ZFP37: variants seen among roughly 807,000 people sequenced by gnomAD.
The protein encoded by ZFP37 is zinc finger protein 37 homolog.
Under a neutral mutation model 52.1 loss-of-function variants are expected in ZFP37, and 38 were observed. The ratio of observed to expected loss-of-function variants is 0.73; its 90% CI spans 0.56 to 0.96. ZFP37 has a LOEUF of 0.96. Ranked by LOEUF, ZFP37 falls within the 40% of genes least tolerant of loss-of-function variation. The pLI is 0.00. For synonymous variants in ZFP37, 253 were observed against 259.5 expected (o/e 0.98, Z 0.24); for missense variants, 695 against 741.4 (o/e 0.94, Z 0.73).
intron 3 of ZFP37, among the ~76,000 whole-genome samples, chr9:113,046,194 ATG>A (rs1315740277): frequency 1.4e-4 from 20 of 139,308 alleles, no homozygotes; most frequent in South Asian, 4.6e-4. Flanking sequence ...ATATCTATAT[ATG>A]TAGACAGATA....
rs1429447611 is a variant in ZFP37 at position 113,049,461 on chromosome 9, A to G, written c.250T>C (p.Leu84=). 6.2e-7 allele frequency: 1 copy of G among 1,613,828 alleles called. No homozygotes were observed. Among genetic ancestry groups the G allele is most frequent in the South Asian group, 1.1e-5 (1 of 91,050 alleles). ...AACCATGGTGCTTCTCCTTTTTCCA[A>G]CTTGGAGATCATGTCTGGTTTGGGA... The part of the protein sequence containing the change: ...QAPKPDMISK[L]EKGEAPWLGK... Residue 84 remains leucine (L), a synonymous_variant, in exon 3 of 4, where the codon TTG becomes CTG. Transcript: ENST00000374227.
intron 1 of ZFP37, among the ~76,000 whole-genome samples, chr9:113,050,483 A>G (rs1044973019): frequency 4.6e-4 from 70 of 151,994 alleles, no homozygotes; most frequent in African/African-American, 1.5e-3. Flanking sequence ...AAAAAAAAAA[A>G]AAAGAAAAAA....
chr9:113,050,821 C>A (rs1829044581), intron 1 of ZFP37, among the ~76,000 whole-genome samples: 2 of 151,716 alleles, frequency 1.3e-5, no homozygotes, highest in South Asian at 4.1e-4. Context: ...TGCTTGAACC[C>A]AGGAGGTGGA....
At chr9:113,054,866 T>G (rs1374455036) in intron 1 of ZFP37, among the ~76,000 whole-genome samples, 1 of 152,210 alleles carries the variant, frequency 6.6e-6, no homozygotes, top group Non-Finnish European at 1.5e-5. Flanking sequence ...AGTTCCTAAC[T>G]GACCTCCCTA....
In ZFP37 at chr9:113,038,736, T is replaced by C. The variant is rs1162891065; in HGVS notation, c.*3989A>G. 6.6e-6 allele frequency: 1 copy of C among 151,968 alleles called. No individual in the cohort carries two copies. The highest frequency in any genetic ancestry group is 2.4e-5 in the African/African-American group (1 of 41,386). 9.4% of individuals were successfully genotyped at this position (151,968 alleles called of 1,614,324 possible). A position where few individuals can be genotyped will look rare whatever the true frequency, so the allele number is the denominator to read the frequency against. On this transcript the variant is annotated 3_prime_UTR_variant, in exon 4 of 4. Coordinates refer to ENST00000374227, the MANE Select transcript of ZFP37 (RefSeq NM_003408.3). ...AGGTAGAGATTGTAATGAGCCAAGA[T>C]TGCACTACTGCACACTCCAGTCTGG...
intron 1 of ZFP37, among the ~76,000 whole-genome samples, chr9:113,053,328 T>C (rs12555682): frequency 0.034 from 5,179 of 151,928 alleles, 281 homozygotes; most frequent in South Asian, 0.18. Flanking sequence ...TTAAAAACTA[T>C]AAAGTTTTAA....
At chr9:113,051,493 CCCAGG>C (rs1829057032) in intron 1 of ZFP37, among the ~76,000 whole-genome samples, 1 of 152,018 alleles carries the variant, frequency 6.6e-6, no homozygotes, top group Admixed American at 6.6e-5. Flanking sequence ...CACTCTGTTG[CCCAGG>C]CTGAAGTGCA....
intron 3 of ZFP37, among the ~76,000 whole-genome samples, chr9:113,048,774 C>A (rs1191929538): frequency 1.1e-4 from 16 of 152,152 alleles, no homozygotes; most frequent in Non-Finnish European, 1.8e-4. Context: ...AAGGATTATA[C>A]GTTCCTACCA....
Position 113,041,949 on chromosome 9 carries a change from T to G in ZFP37, c.*776A>C, listed in dbSNP as rs897860768. The G allele has an allele frequency of 9.8e-5, 15 of 152,300 alleles. No homozygotes were observed. The East Asian group carries it at 2.7e-3, about 27-fold the overall frequency. The allele number at this position is 152,300 out of a possible 1,614,324, so 9.4% of individuals were successfully genotyped here. On this transcript the variant is annotated 3_prime_UTR_variant, in exon 4 of 4. Transcript: ENST00000374227. ...CTCCTCTGCCCAATGGCAACCACCA[T>G]GAAGTTTATTCTGTATTTTTTCAAA...
intron 3 of ZFP37, among the ~76,000 whole-genome samples, chr9:113,044,501 G>T (rs1376977240): frequency 6.6e-6 from 1 of 152,132 alleles, no homozygotes; most frequent in Non-Finnish European, 1.5e-5. Context: ...AAAAATATGA[G>T]TGAGCAACCT....
Position 113,056,606 on chromosome 9 carries a change from G to C in ZFP37, c.83C>G (p.Ala28Gly), listed in dbSNP as rs1455212242. The change falls in exon 1 of 4, where the codon GCC (alanine) becomes GGC (glycine). Residue 28 changes from alanine to glycine, a missense_variant. Ala to Gly is a moderately conservative substitution (Grantham distance 60). Around this residue, in one of 2 missense-constraint regions of ZFP37, gnomAD observed 369 missense variants for 340.9 expected, o/e 1.08. Transcript: ENST00000374227. ...CACAGCCATCTCCAGTGGTCGCCCGGCCTCTTTGGTCGTTTCCGCACTTCT... is the reference window on the plus strand; with the variant it reads ...CACAGCCATCTCCAGTGGTCGCCCGCCCTCTTTGGTCGTTTCCGCACTTCT... ...RRRSAETTKEAGRPLEMAVSE... is the reference protein window; with the variant it reads ...RRRSAETTKEGGRPLEMAVSE... The C allele has an allele frequency of 3.7e-6, 6 of 1,613,888 alleles. No individual in the cohort carries two copies. The African/African-American group carries it at 4.0e-5, about 11-fold the overall frequency.
Position 113,043,057 on chromosome 9 carries a change from G to A in ZFP37, c.1561C>T (p.Gln521Ter). The part of the protein sequence containing the change: ...HTGESPFECN[Q>*]CGKGFKQIEG... The stretch of plus-strand genomic sequence containing the variant: ...ATTTGTTTAAAGCCTTTCCCACATT[G>A]ATTACATTCAAAGGGACTTTCACCT... Residue 521 changes from glutamine to a stop codon, truncating the protein, a stop_gained, in exon 4 of 4, where the codon CAA becomes TAA. Coordinates refer to ENST00000374227, the MANE Select transcript of ZFP37 (RefSeq NM_003408.3). LOFTEE classifies it high-confidence loss of function. 1 of 1,613,444 alleles carries A rather than the reference G, an allele frequency of 6.2e-7. No individual in the cohort carries two copies. Among genetic ancestry groups the A allele is most frequent in the Non-Finnish European group, 8.5e-7 (1 of 1,179,926 alleles).
rs1828819643 is a variant in ZFP37, at chr9:113,039,926, A to T, written c.*2799T>A. The stretch of plus-strand genomic sequence containing the variant: ...CAGCACAGGAATCCACTGGAAACTT[A>T]TTAAAATGCAAATTCTCAAGGCCCA... On this transcript the variant is annotated 3_prime_UTR_variant, in exon 4 of 4. Transcript: ENST00000374227. The T allele has an allele frequency of 2.0e-5, 3 of 152,224 alleles. No homozygotes were observed. The South Asian group carries it at 6.2e-4, about 31-fold the overall frequency. The allele number at this position is 152,224 out of a possible 1,614,324, so 9.4% of individuals were successfully genotyped here.
At position 113,044,266 on chromosome 9, in the gene ZFP37, CT is replaced by C; in HGVS notation, c.351del (p.Val118SerfsTer67). 1 of 1,551,702 alleles carries C rather than the reference CT, an allele frequency of 6.4e-7. No homozygotes were observed. The highest frequency in any genetic ancestry group is 2.3e-5 in the East Asian group (1 of 44,328). ...TCAAGCTGGTCATCATCTTTCTGGACTTCTAAAATGGAATTCAGTGAGATAT... is the reference window on the plus strand; with the variant it reads ...TCAAGCTGGTCATCATCTTTCTGGACTCTAAAATGGAATTCAGTGAGATAT... ...ARPKQKETDGKVQKDDDQLEN... is the reference protein window; with the variant it reads ...ARPKQKETDGXVQKDDDQLEN... On this transcript the variant is annotated frameshift_variant and splice_region_variant, in exon 4 of 4. Coordinates refer to ENST00000374227, the MANE Select transcript of ZFP37 (RefSeq NM_003408.3). LOFTEE classifies it high-confidence loss of function.
intron 1 of ZFP37, among the ~76,000 whole-genome samples, chr9:113,051,837 T>A (rs1462645154): frequency 6.6e-6 from 1 of 152,174 alleles, no homozygotes; most frequent in Admixed American, 6.5e-5. Flanking sequence ...TTTCCCATCA[T>A]TGATTGTCAC....
intron 3 of ZFP37, among the ~76,000 whole-genome samples, chr9:113,045,327 G>A (rs964046029): frequency 6.6e-6 from 1 of 152,068 alleles, no homozygotes; most frequent in African/African-American, 2.4e-5. Flanking sequence ...AAAATCCCTA[G>A]TTTCTCTAAA....
In ZFP37 at chr9:113,043,698, C is replaced by T; in HGVS notation, c.920G>A (p.Gly307Glu). The T allele has an allele frequency of 6.2e-7, 1 of 1,613,992 alleles. No individual in the cohort carries two copies. Among genetic ancestry groups the T allele is most frequent in the Non-Finnish European group, 8.5e-7 (1 of 1,179,964 alleles). The change falls in exon 4 of 4, where the codon GGA (glycine) becomes GAA (glutamate). Residue 307 changes from glycine (G) to glutamate (E), a missense_variant. By Grantham distance (98) the Gly-to-Glu change is moderately conservative. This residue lies in a region of ZFP37 where 326 missense variants were observed against 400.5 expected (regional missense o/e 0.81). Transcript: ENST00000374227. ...QCGKVLSHKQ[G>E]LIDHQRVHTG... Reference sequence around the variant, plus strand: ...ATGAACTCTCTGATGGTCAATGAGTCCTTGTTTATGGCTGAGAACCTTTCC... The same window carrying T: ...ATGAACTCTCTGATGGTCAATGAGTTCTTGTTTATGGCTGAGAACCTTTCC...
In ZFP37 at chr9:113,043,399, A is replaced by G; in HGVS notation, c.1219T>C (p.Cys407Arg). ...RSHTGEKPYE[C>R]KECGKSFRYN... ...CTAAAAGACTTCCCACATTCCTTAC[A>G]TTCATATGGCTTCTCACCTGTGTGA... Residue 407 changes from cysteine to arginine, a missense_variant, in exon 4 of 4, where the codon TGT (cysteine) becomes CGT (arginine). Physicochemically the swap from Cys to Arg is radical, Grantham distance 180. Transcript: ENST00000374227. 6.2e-7 allele frequency: 1 copy of G among 1,614,138 alleles called. No homozygotes were observed. The highest frequency in any genetic ancestry group is 8.5e-7 in the Non-Finnish European group (1 of 1,179,988).
Position 113,044,199 on chromosome 9 carries a change from G to T in ZFP37, c.419C>A (p.Ala140Glu), listed in dbSNP as rs764898071. The T allele has an allele frequency of 2.5e-6, 4 of 1,601,970 alleles. No homozygotes were observed. In the South Asian group the frequency reaches 4.6e-5, roughly 18 times the overall value. ...KSQNKLLREV[A>E]VKKKTQAKKN... is the part of the protein sequence containing the mutation. ...CTTAGCTTGAGTTTTCTTCTTGACT[G>T]CAACTTCCCTGAGGAGTTTGTTTTG... The change falls in exon 4 of 4, where the codon GCA (alanine) becomes GAA (glutamate). Residue 140 changes from alanine to glutamate, a missense_variant. Physicochemically the swap from Ala to Glu is moderately radical, Grantham distance 107. Coordinates refer to ENST00000374227, the MANE Select transcript of ZFP37 (RefSeq NM_003408.3).
Sources: allele counts gnomAD v4.1 joint callset (sites outside exome capture counted in the v4.1 genomes callset), GRCh38; gene constraint gnomAD v4.1.1; regional missense constraint gnomAD v4.1.1; transcripts MANE v1.5; gene names NCBI Gene and HGNC (gene_info 2026-07-23, HGNC 2026-07-21).